The following SPIDR variants were observed in gnomAD, a reference collection of about 807,000 sequenced individuals.
SPIDR encodes the protein scaffold protein involved in DNA repair.
SPIDR carries 93 observed loss-of-function variants against 104.6 expected under a neutral mutation model. The observed-to-expected ratio is 0.89, with a 90% confidence interval of 0.75 to 1.06. The LOEUF (loss-of-function observed/expected upper bound fraction) is 1.06, where lower values mean the gene tolerates loss of function less well. Ranked by LOEUF, SPIDR falls within the 50% of genes least tolerant of loss-of-function variation. SPIDR has a pLI of 0.00. For missense variants in SPIDR, 1,154 were observed against 1,111.2 expected, an observed-to-expected ratio of 1.04 and a Z score of -0.55; for synonymous variants, 431 against 416.9, an observed-to-expected ratio of 1.03 and a Z score of -0.41.
intron 10 of SPIDR, among the ~76,000 whole-genome samples, chr8:47,602,251 CAGTT>C (rs1318096564): frequency 2.6e-5 from 4 of 152,198 alleles, no homozygotes; most frequent in African/African-American, 9.6e-5. Context: ...AAGTTGGGCT[CAGTT>C]AGTACAGACT....
chr8:47,694,111 G>T (rs2079029831), intron 11 of SPIDR, among the ~76,000 whole-genome samples: 1 of 152,172 alleles, frequency 6.6e-6, no homozygotes, highest in Non-Finnish European at 1.5e-5. Context: ...GGAGTTATAG[G>T]AAGTGTTACA....
intron 10 of SPIDR, among the ~76,000 whole-genome samples, chr8:47,612,504 AC>A (rs1361986044): frequency 6.6e-6 from 1 of 152,258 alleles, no homozygotes; most frequent in Non-Finnish European, 1.5e-5. Flanking sequence ...TTCAAGAGCT[AC>A]CACATATTTG....
chr8:47,569,731 AATG>A (rs2154404911), intron 8 of SPIDR, among the ~76,000 whole-genome samples: 2 of 152,302 alleles, frequency 1.3e-5, no homozygotes, highest in Admixed American at 1.3e-4. Context: ...CATGATTTCA[AATG>A]TAGAAAATCC....
intron 5 of SPIDR, among the ~76,000 whole-genome samples, chr8:47,347,201 T>C (rs1697183241): frequency 1.3e-5 from 2 of 152,230 alleles, no homozygotes; most frequent in Non-Finnish European, 2.9e-5. Flanking sequence ...CATTTTGTTA[T>C]TTACCCAGTA....
intron 7 of SPIDR, among the ~76,000 whole-genome samples, chr8:47,431,840 C>T (rs1378541574): frequency 6.6e-6 from 1 of 152,174 alleles, no homozygotes; most frequent in African/African-American, 2.4e-5. Context: ...AGAAATGTGT[C>T]TATTCATCAT....
intron 10 of SPIDR, among the ~76,000 whole-genome samples, chr8:47,638,734 C>G (rs1215823602): frequency 3.3e-5 from 5 of 152,168 alleles, no homozygotes; most frequent in Non-Finnish European, 5.9e-5. Context: ...TGAAGTATTT[C>G]TGGAGGAGAT....
chr8:47,378,205 T>C (rs1175171339), intron 5 of SPIDR, among the ~76,000 whole-genome samples: 1 of 152,148 alleles, frequency 6.6e-6, no homozygotes, highest in African/African-American at 2.4e-5. Flanking sequence ...TATCAAAGAG[T>C]AATTATTTTC....
intron 10 of SPIDR, among the ~76,000 whole-genome samples, chr8:47,666,518 TGTTA>T (rs779496600): frequency 2.0e-5 from 3 of 152,232 alleles, no homozygotes; most frequent in Non-Finnish European, 4.4e-5. Context: ...TTCATTTTAT[TGTTA>T]GTTTGCTTAT....
At chr8:47,386,912 TATAGATA>T (rs2060003881) in intron 5 of SPIDR, among the ~76,000 whole-genome samples, 2 of 24,030 alleles carry the variant, frequency 8.3e-5, no homozygotes, top group African/African-American at 5.1e-4. Flanking sequence ...GAGATATAGA[TATAGATA>T]TAGATATAGA....
chr8:47,274,148 G>A (rs2035892864), intron 1 of SPIDR, among the ~76,000 whole-genome samples: 2 of 152,118 alleles, frequency 1.3e-5, no homozygotes, highest in Non-Finnish European at 2.9e-5. Flanking sequence ...GAGTTCTATG[G>A]CAGGAACCTG....
At chr8:47,379,702 T>C (rs1441557916) in intron 5 of SPIDR, among the ~76,000 whole-genome samples, 1 of 152,176 alleles carries the variant, frequency 6.6e-6, no homozygotes, top group Non-Finnish European at 1.5e-5. Context: ...CACAAGCATA[T>C]TCAAGGTTTC....
intron 11 of SPIDR, among the ~76,000 whole-genome samples, chr8:47,699,992 C>A (rs896936667): frequency 6.6e-6 from 1 of 152,220 alleles, no homozygotes; most frequent in East Asian, 1.9e-4. Flanking sequence ...AGGCTTCAGT[C>A]TTTTCCTTTG....
At chr8:47,290,597 C>T (rs1457721353) in intron 3 of SPIDR, among the ~76,000 whole-genome samples, 3 of 152,188 alleles carry the variant, frequency 2.0e-5, no homozygotes, top group African/African-American at 7.2e-5. Flanking sequence ...GTGTTTTAAG[C>T]ACCCTGCTAC....
At chr8:47,470,004 C>G (rs1384518271) in intron 8 of SPIDR, among the ~76,000 whole-genome samples, 4 of 152,174 alleles carry the variant, frequency 2.6e-5, no homozygotes, top group African/African-American at 9.7e-5. Flanking sequence ...TCTACAGATT[C>G]AGTGCAATCC....
intron 8 of SPIDR, among the ~76,000 whole-genome samples, chr8:47,587,414 G>A (rs1213230866): frequency 6.6e-6 from 1 of 151,898 alleles, no homozygotes; most frequent in Non-Finnish European, 1.5e-5. Flanking sequence ...GGCCAGTCTG[G>A]CCAACATGGT....
intron 10 of SPIDR, among the ~76,000 whole-genome samples, chr8:47,601,682 C>G (rs2062310908): frequency 6.6e-6 from 1 of 152,100 alleles, no homozygotes; most frequent in South Asian, 2.1e-4. Context: ...ACAGATGAGA[C>G]TTCCGTCTCA....
At chr8:47,411,032 G>A (rs2063454702) in intron 7 of SPIDR, among the ~76,000 whole-genome samples, 2 of 152,168 alleles carry the variant, frequency 1.3e-5, no homozygotes, top group South Asian at 4.1e-4. Flanking sequence ...GTGTATATAT[G>A]CCACATTTTC....
intron 5 of SPIDR, among the ~76,000 whole-genome samples, chr8:47,352,398 G>A (rs528455524): frequency 1.3e-5 from 2 of 152,278 alleles, no homozygotes; most frequent in South Asian, 4.1e-4. Context: ...ATGTGTCTTA[G>A]CCTAGACATT....
chr8:47,283,690 A>G (rs1307056813), intron 2 of SPIDR, among the ~76,000 whole-genome samples: 3 of 152,230 alleles, frequency 2.0e-5, no homozygotes, highest in Non-Finnish European at 4.4e-5. Context: ...GTTTGTGGTA[A>G]CTTACAGAGT....
Sources: allele counts gnomAD v4.1 joint callset (sites outside exome capture counted in the v4.1 genomes callset), GRCh38; gene constraint gnomAD v4.1.1; transcripts MANE v1.5; gene names NCBI Gene and HGNC (gene_info 2026-07-23, HGNC 2026-07-21).